The following ST18 variants were observed in gnomAD, a reference collection of about 807,000 sequenced individuals.
ST18 encodes ST18 C2H2C-type zinc finger transcription factor, also known as suppression of tumorigenicity 18 protein.
A neutral mutation model predicts 110.0 loss-of-function variants in ST18; 50 were observed. The observed-to-expected ratio is 0.45, with a 90% confidence interval of 0.36 to 0.58. The LOEUF is 0.58. ST18 is among the 20% of genes least tolerant of loss of function. The pLI is 0.00. For missense variants in ST18, 1,306 were observed against 1,280.1 expected (o/e 1.02, Z -0.31); for synonymous variants, 461 against 452.4 (o/e 1.02, Z -0.24).
intron 2 of ST18, among the ~76,000 whole-genome samples, chr8:52,311,181 C>T (rs1479356861): frequency 6.6e-6 from 1 of 152,180 alleles, no homozygotes; most frequent in Non-Finnish European, 1.5e-5. Flanking sequence ...TTGCCCAACC[C>T]TCAGGGGCTA....
chr8:52,256,137 G>A (rs75215295), intron 2 of ST18, among the ~76,000 whole-genome samples: 3 of 152,226 alleles, frequency 2.0e-5, no homozygotes, highest in African/African-American at 4.8e-5. Flanking sequence ...AACACTACAT[G>A]CTTTACCAAC....
intron 10 of ST18, 93 bp downstream of exon 10, chr8:52,171,699 A>G (rs1442233713): frequency 1.4e-6 from 2 of 1,394,586 alleles, no homozygotes; most frequent in Admixed American, 1.9e-5. Flanking sequence ...TTAAACTGTT[A>G]AAAAGCTACC....
intron 25 of ST18, among the ~76,000 whole-genome samples, chr8:52,113,954 GTTTTTTTTTTTTT>G (rs1158213340): frequency 1.4e-3 from 63 of 45,444 alleles, no homozygotes; most frequent in Middle Eastern, 0.036. Context: ...TTCATACCGT[GTTTTTTTTTTTTT>G]TTTTTTTTTT....
chr8:52,383,395 G>T (rs532376292), intron 2 of ST18, among the ~76,000 whole-genome samples: 1 of 152,158 alleles, frequency 6.6e-6, no homozygotes, highest in African/African-American at 2.4e-5. Context: ...AAAACCGTGG[G>T]TGGTAGCCCT....
intron 2 of ST18, among the ~76,000 whole-genome samples, chr8:52,396,506 G>A (rs544636281): frequency 6.6e-6 from 1 of 152,256 alleles, no homozygotes; most frequent in African/African-American, 2.4e-5. Flanking sequence ...CTGCTATGAA[G>A]AAATACCCAA....
At chr8:52,209,954 C>G in intron 8 of ST18, 1 of 398,050 alleles carries the variant, frequency 2.5e-6, no homozygotes, top group Non-Finnish European at 5.0e-6. Flanking sequence ...TTATATTTCT[C>G]TTCTAGGCCA....
chr8:52,379,701 C>T (rs538147657), intron 2 of ST18, among the ~76,000 whole-genome samples: 9 of 151,990 alleles, frequency 5.9e-5, no homozygotes, highest in South Asian at 4.2e-4. Context: ...TAAATATACA[C>T]GAATATATTA....
At chr8:52,241,876 T>TC (rs1212800977) in intron 2 of ST18, among the ~76,000 whole-genome samples, 2 of 152,076 alleles carry the variant, frequency 1.3e-5, no homozygotes, top group African/African-American at 4.8e-5. Flanking sequence ...AACTCTTCCT[T>TC]CCTTTTTTTT....
chr8:52,197,404 C>T (rs1484568741), intron 8 of ST18, among the ~76,000 whole-genome samples: 2 of 152,260 alleles, frequency 1.3e-5, no homozygotes, highest in Middle Eastern at 3.4e-3. Context: ...CTAATGAAAA[C>T]GATCTCATTT....
intron 2 of ST18, among the ~76,000 whole-genome samples, chr8:52,336,504 G>A (rs1287422529): frequency 1.3e-5 from 2 of 152,140 alleles, no homozygotes; most frequent in Non-Finnish European, 2.9e-5. Flanking sequence ...GCCATCTCAG[G>A]AGCCAGGTCT....
intron 2 of ST18, among the ~76,000 whole-genome samples, chr8:52,301,032 T>C (rs1029153445): frequency 6.6e-6 from 1 of 152,240 alleles, no homozygotes; most frequent in African/African-American, 2.4e-5. Context: ...AATTATTTTC[T>C]AGGAATGATG....
chr8:52,231,458 T>C (rs1036071793), intron 2 of ST18, among the ~76,000 whole-genome samples: 6 of 151,718 alleles, frequency 4.0e-5, no homozygotes, highest in Non-Finnish European at 7.4e-5. Context: ...TCTCAGACAT[T>C]AATATGCATC....
At chr8:52,333,929 T>A (rs1189694217) in intron 2 of ST18, among the ~76,000 whole-genome samples, 1 of 152,214 alleles carries the variant, frequency 6.6e-6, no homozygotes, top group Non-Finnish European at 1.5e-5. Flanking sequence ...GGGCTCCACT[T>A]CTGTGAAACA....
intron 8 of ST18, among the ~76,000 whole-genome samples, chr8:52,180,587 AC>A (rs1205306479): frequency 1.3e-5 from 2 of 152,008 alleles, no homozygotes; most frequent in African/African-American, 4.8e-5. Flanking sequence ...TACACTAAAT[AC>A]CCAGGGAGGG....
chr8:52,166,839 A>T lies in ST18; in HGVS notation c.1204+13T>A, dbSNP rs746912090. 4 of 1,560,694 alleles carry T rather than the reference A, an allele frequency of 2.6e-6. No individual in the cohort carries two copies. The South Asian group carries it at 4.7e-5, about 18-fold the overall frequency. On this transcript the variant is annotated intron_variant, in intron 11 of 25. Coordinates refer to ENST00000689386, the MANE Select transcript of ST18 (RefSeq NM_001352837.2). The stretch of plus-strand genomic sequence containing the variant: ...TGCATAAGCAGAAGCTTTGAGGGAC[A>T]AGTGGTACTCACTTTCCAGGGGAAC...
intron 23 of ST18, among the ~76,000 whole-genome samples, chr8:52,125,574 TC>T (rs1370918291): frequency 6.6e-6 from 1 of 152,072 alleles, no homozygotes; most frequent in Non-Finnish European, 1.5e-5. Flanking sequence ...TCAGCCTCGA[TC>T]CTGGGCTCCT....
chr8:52,214,096 T>C, intron 7 of ST18, 107 bp downstream of exon 7: 1 of 1,212,526 alleles, frequency 8.2e-7, no homozygotes, highest in Non-Finnish European at 1.2e-6. Flanking sequence ...AAAGAAGCCC[T>C]GAGGAAGTTG....
rs1286390102 is a variant in ST18 at position 52,161,388 on chromosome 8, T to C, written c.1581A>G (p.Pro527=). The C allele has an allele frequency of 1.9e-6, 3 of 1,613,610 alleles. No homozygotes were observed. In the Admixed American group the frequency reaches 5.0e-5, roughly 27 times the overall value. The change falls in exon 14 of 26, where the codon CCA becomes CCG. Residue 527 remains proline (P), a synonymous_variant. Transcript: ENST00000689386. Reference sequence around the variant, plus strand: ...CTCAAAGCTTACATTCAGGAAATGGTGGTGTTTTTCGTCCTTGCACTGTTT... The same window carrying C: ...CTCAAAGCTTACATTCAGGAAATGGCGGTGTTTTTCGTCCTTGCACTGTTT... ...LIQTVQGRKT[P]PFPESKHFPN...
chr8:52,230,566 A>C (rs1465925021), intron 2 of ST18, among the ~76,000 whole-genome samples: 1 of 152,054 alleles, frequency 6.6e-6, no homozygotes, highest in Non-Finnish European at 1.5e-5. Context: ...TGCACACTAC[A>C]CTGGTTCATC....
Sources: allele counts gnomAD v4.1 joint callset (sites outside exome capture counted in the v4.1 genomes callset), GRCh38; gene constraint gnomAD v4.1.1; transcripts MANE v1.5; gene names NCBI Gene and HGNC (gene_info 2026-07-23, HGNC 2026-07-21).